LSAMP: variants seen among roughly 807,000 people sequenced by gnomAD.
The protein encoded by LSAMP is limbic system-associated membrane protein.
LSAMP carries 7 observed loss-of-function variants against 38.6 expected under a neutral mutation model. The ratio of observed to expected loss-of-function variants is 0.18; its 90% CI spans 0.10 to 0.34. LSAMP has a LOEUF of 0.34. Ranked by LOEUF, LSAMP falls within the 10% of genes least tolerant of loss-of-function variation. The probability of loss-of-function intolerance (pLI) is 1.00; values close to 1 mark genes in which losing one functional copy is unlikely to be tolerated. For synonymous variants in LSAMP, 154 were observed against 166.8 expected (o/e 0.92, Z 0.59); for missense variants, 313 against 420.0 (o/e 0.75, Z 2.23).
intron 3 of LSAMP, among the ~76,000 whole-genome samples, chr3:115,999,808 T>C (rs1454153532): frequency 1.3e-5 from 2 of 152,134 alleles, no homozygotes; most frequent in Admixed American, 6.5e-5. Flanking sequence ...AAAAGCTGAA[T>C]GCCTTTCCTA....
chr3:116,120,572 A>G (rs1396112213), intron 1 of LSAMP, among the ~76,000 whole-genome samples: 1 of 152,202 alleles, frequency 6.6e-6, no homozygotes, highest in Non-Finnish European at 1.5e-5. Context: ...CAGAGGAACA[A>G]GCTTCTAGGG....
intron 3 of LSAMP, among the ~76,000 whole-genome samples, chr3:116,003,074 C>T (rs1940048972): frequency 6.6e-6 from 1 of 152,060 alleles, no homozygotes; most frequent in African/African-American, 2.4e-5. Flanking sequence ...CTTAGCAGGG[C>T]AGGTACCGTG....
intron 1 of LSAMP, among the ~76,000 whole-genome samples, chr3:116,217,367 T>C (rs2046233031): frequency 6.6e-6 from 1 of 152,202 alleles, no homozygotes. Context: ...AAATAACATA[T>C]ATCTGGACTC....
At chr3:115,963,214 T>C (rs1938687330) in intron 3 of LSAMP, among the ~76,000 whole-genome samples, 1 of 152,198 alleles carries the variant, frequency 6.6e-6, no homozygotes, top group Non-Finnish European at 1.5e-5. Context: ...GTGATTAGAA[T>C]TTTAACACAT....
intron 1 of LSAMP, among the ~76,000 whole-genome samples, chr3:116,345,717 A>G (rs1190524987): frequency 6.6e-6 from 1 of 152,142 alleles, no homozygotes; most frequent in Non-Finnish European, 1.5e-5. Flanking sequence ...GACCTAAAGA[A>G]GAAAAAAATA....
At chr3:115,982,887 C>T (rs943538804) in intron 3 of LSAMP, among the ~76,000 whole-genome samples, 1 of 147,958 alleles carries the variant, frequency 6.8e-6, no homozygotes, top group Non-Finnish European at 1.5e-5. Context: ...ATGGGTGCAC[C>T]GTTATCTCTT....
chr3:115,976,147 T>C (rs1939181902), intron 3 of LSAMP, among the ~76,000 whole-genome samples: 2 of 152,202 alleles, frequency 1.3e-5, no homozygotes, highest in South Asian at 4.1e-4. Flanking sequence ...GCTGCATGAT[T>C]AGTCTCCTTA....
chr3:116,206,641 C>T (rs1476124391), intron 1 of LSAMP, among the ~76,000 whole-genome samples: 1 of 151,182 alleles, frequency 6.6e-6, no homozygotes, highest in Non-Finnish European at 1.5e-5. Flanking sequence ...ATCTTTATTT[C>T]TGCCTTCATT....
intron 1 of LSAMP, among the ~76,000 whole-genome samples, chr3:116,206,030 C>T (rs1413282214): frequency 6.0e-4 from 91 of 151,330 alleles, no homozygotes; most frequent in African/African-American, 2.0e-3. Flanking sequence ...ATGCATCTGG[C>T]CCTGGACTCT....
At chr3:115,921,505 T>G (rs912608766) in intron 3 of LSAMP, among the ~76,000 whole-genome samples, 34 of 152,242 alleles carry the variant, frequency 2.2e-4, no homozygotes, top group African/African-American at 6.3e-4. Context: ...TTTTATAGCA[T>G]TATTCATTAA....
At chr3:116,263,243 TA>T (rs1164060646) in intron 1 of LSAMP, among the ~76,000 whole-genome samples, 1 of 152,038 alleles carries the variant, frequency 6.6e-6, no homozygotes, top group Non-Finnish European at 1.5e-5. Context: ...TAACCTACCA[TA>T]AAAAAGGATG....
At chr3:116,071,517 T>C (rs1707606044) in intron 2 of LSAMP, among the ~76,000 whole-genome samples, 1 of 152,210 alleles carries the variant, frequency 6.6e-6, no homozygotes, top group African/African-American at 2.4e-5. Flanking sequence ...TATGAGTACA[T>C]ATGATATATT....
At chr3:115,830,750 T>C (rs1418922596) in intron 6 of LSAMP, among the ~76,000 whole-genome samples, 3 of 152,212 alleles carry the variant, frequency 2.0e-5, no homozygotes, top group African/African-American at 7.2e-5. Flanking sequence ...AATTATTCAG[T>C]GATCTTCACA....
At chr3:116,153,986 A>G (rs1046313349) in intron 1 of LSAMP, among the ~76,000 whole-genome samples, 7 of 152,220 alleles carry the variant, frequency 4.6e-5, no homozygotes, top group Middle Eastern at 3.4e-3. Flanking sequence ...AAAATTGACA[A>G]TCTCCCAAAA....
At chr3:116,418,204 A>G (rs1399605443) in intron 1 of LSAMP, among the ~76,000 whole-genome samples, 3 of 152,148 alleles carry the variant, frequency 2.0e-5, no homozygotes, top group African/African-American at 4.8e-5. Flanking sequence ...TTCTTCCACT[A>G]TACCGCAAAC....
chr3:115,897,364 T>G (rs1166095475), intron 3 of LSAMP, among the ~76,000 whole-genome samples: 1 of 152,098 alleles, frequency 6.6e-6, no homozygotes, highest in African/African-American at 2.4e-5. Context: ...TACATGATTT[T>G]TTTTAAAAAA....
intron 3 of LSAMP, among the ~76,000 whole-genome samples, chr3:115,904,777 C>A (rs1191401278): frequency 2.0e-5 from 3 of 152,134 alleles, no homozygotes; most frequent in Non-Finnish European, 4.4e-5. Context: ...ACCTTTCCAA[C>A]CTCGTAATTT....
At chr3:115,840,184 A>G (rs1179898517) in intron 6 of LSAMP, among the ~76,000 whole-genome samples, 1 of 152,194 alleles carries the variant, frequency 6.6e-6, no homozygotes, top group African/African-American at 2.4e-5. Context: ...CTTTAATGCA[A>G]ATATGTAATT....
chr3:116,320,505 C>G (rs1559827082), intron 1 of LSAMP, among the ~76,000 whole-genome samples: 1 of 152,108 alleles, frequency 6.6e-6, no homozygotes, highest in South Asian at 2.1e-4. Context: ...CATGTAACAA[C>G]CGCTGTGAGA....
Sources: allele counts gnomAD v4.1 joint callset (sites outside exome capture counted in the v4.1 genomes callset), GRCh38; gene constraint gnomAD v4.1.1; transcripts MANE v1.5; gene names NCBI Gene and HGNC (gene_info 2026-07-23, HGNC 2026-07-21).